Variants in B4GALT2 observed in about 807,000 individuals in gnomAD.
B4GALT2 encodes the protein beta-1,4-galactosyltransferase 2, also known as N-acetyllactosamine synthase.
B4GALT2 carries 18 observed loss-of-function variants against 33.2 expected under a neutral mutation model. That is an observed-to-expected ratio of 0.54 (90% CI 0.38 to 0.80). The LOEUF is 0.80. Among genes scored for constraint, B4GALT2 ranks in the 30% least tolerant of loss-of-function variants. B4GALT2 has a pLI of 0.00. For synonymous variants in B4GALT2, 214 were observed against 217.6 expected (o/e 0.98, Z 0.15); for missense variants, 404 against 526.2 (o/e 0.77, Z 2.27).
chr1:43,989,101 C>G (rs1436767883), intron 6 of B4GALT2, among the ~76,000 whole-genome samples: 4 of 152,136 alleles, frequency 2.6e-5, no homozygotes, highest in Non-Finnish European at 5.9e-5. Context: ...AATCCCAGCA[C>G]TTTGGGTAGT....
In B4GALT2 at chr1:43,981,136, G is replaced by C. The variant is rs368225760; in HGVS notation, c.-25G>C. On this transcript the variant is annotated 5_prime_UTR_variant, in exon 2 of 7. Transcript: ENST00000372324. The surrounding 1 kb of genome is among the most constrained non-coding windows in gnomAD (Gnocchi z 8.1). ...CAGCAGCCGGATGCCCGGGCCCACT[G>C]GGCGGGCCAGTGGCCGCCTGCGGGA... 1 of 1,595,918 alleles carries C rather than the reference G, an allele frequency of 6.3e-7. No individual in the cohort carries two copies. Among genetic ancestry groups the C allele is most frequent in the Non-Finnish European group, 8.5e-7 (1 of 1,178,210 alleles).
chr1:43,990,120 G>A (rs1246940550), intron 6 of B4GALT2, among the ~76,000 whole-genome samples, 178 bp from the exon 7 acceptor site: 1 of 152,176 alleles, frequency 6.6e-6, no homozygotes, highest in African/African-American at 2.4e-5. Context: ...GCAAAAGGGC[G>A]TGGGCATAAC....
chr1:43,990,453 A>G lies in B4GALT2; in HGVS notation c.*5A>G. On this transcript the variant is annotated 3_prime_UTR_variant, in exon 7 of 7. Coordinates refer to ENST00000372324, the MANE Select transcript of B4GALT2 (RefSeq NM_003780.5). Reference sequence around the variant, plus strand: ...TCGTGGCCCCCTCGGGGCTGACACTAATGGACAGAGGCTCTCGGTGCCGAA... The same window carrying G: ...TCGTGGCCCCCTCGGGGCTGACACTGATGGACAGAGGCTCTCGGTGCCGAA... 6.2e-7 allele frequency: 1 copy of G among 1,613,990 alleles called. No homozygotes were observed. The highest frequency in any genetic ancestry group is 8.5e-7 in the Non-Finnish European group (1 of 1,179,964).
chr1:43,990,669 A>T lies in B4GALT2; in HGVS notation c.*221A>T. Reference sequence around the variant, plus strand: ...TCAAGTGTGGCCCTCTTTGGAGTCAACCCTCCTTCCCGACCCCCTCCCCCT... The same window carrying T: ...TCAAGTGTGGCCCTCTTTGGAGTCATCCCTCCTTCCCGACCCCCTCCCCCT... On this transcript the variant is annotated 3_prime_UTR_variant, in exon 7 of 7. Transcript: ENST00000372324. The T allele has an allele frequency of 1.7e-6, 1 of 604,592 alleles. No homozygotes were observed. The highest frequency in any genetic ancestry group is 2.8e-6 in the Non-Finnish European group (1 of 354,962). 37.5% of individuals were successfully genotyped at this position (604,592 alleles called of 1,614,324 possible).
At position 43,981,414 on chromosome 1, in the gene B4GALT2, C is replaced by T. The variant is rs987553231; in HGVS notation, c.254C>T (p.Ala85Val). Reference protein sequence around the residue: ...SSSGLPEVPSALPGPTAPTLP... With the variant: ...SSSGLPEVPSVLPGPTAPTLP... Reference sequence around the variant, plus strand: ...TCCGGGCTCCCTGAGGTCCCCAGTGCCCTGCCCGGTCCCACGGCTCCCACG... The same window carrying T: ...TCCGGGCTCCCTGAGGTCCCCAGTGTCCTGCCCGGTCCCACGGCTCCCACG... Residue 85 changes from alanine to valine, a missense_variant, in exon 2 of 7, where the codon GCC (alanine) becomes GTC (valine). Ala to Val is a moderately conservative substitution (Grantham distance 64, BLOSUM62 0). Transcript: ENST00000372324. This position sits in a 1 kb window ranked among gnomAD's most constrained non-coding sequence, Gnocchi z 8.1. 4.4e-6 allele frequency: 7 copies of T among 1,596,552 alleles called. No individual in the cohort carries two copies. Among genetic ancestry groups the T allele is most frequent in the Non-Finnish European group, 3.4e-6 (4 of 1,178,250 alleles).
rs542373895 is a variant in B4GALT2, at chr1:43,985,505, C to T, written c.864-12C>T. The T allele has an allele frequency of 2.5e-6, 4 of 1,612,856 alleles. No homozygotes were observed. Among genetic ancestry groups the T allele is most frequent in the Non-Finnish European group, 3.4e-6 (4 of 1,179,428 alleles). ...CTGGAGCCTGTTCCAGTCTGTCCGT[C>T]CCCATCCTCAGGATCTCCCTGACTG... On this transcript the variant is annotated splice_polypyrimidine_tract_variant and intron_variant, in intron 5 of 6. Transcript: ENST00000372324.
Position 43,982,390 on chromosome 1 carries a change from G to A in B4GALT2, c.549+466G>A, listed in dbSNP as rs886372361. On this transcript the variant is annotated intron_variant, in intron 3 of 6. Transcript: ENST00000372324. The surrounding 1 kb of genome is among the most constrained non-coding windows in gnomAD (Gnocchi z 4.3). ...AGGGACCTCTGATGCAGGCCCCCCC[G>A]CCCCCGCCGACCACAGAGACCTCCT... 2.7e-5 allele frequency among the ~76,000 whole-genome samples: 4 copies of A among 150,630 alleles called. No homozygotes were observed. Among genetic ancestry groups the A allele is most frequent in the African/African-American group, 7.3e-5 (3 of 40,920 alleles).
chr1:43,979,243 C>A lies in B4GALT2; in HGVS notation c.-321C>A. 6.8e-6 allele frequency: 1 copy of A among 146,234 alleles called. No homozygotes were observed. Among genetic ancestry groups the A allele is most frequent in the South Asian group, 1.9e-4 (1 of 5,300 alleles). 9.1% of individuals were successfully genotyped at this position (146,234 alleles called of 1,614,324 possible). On this transcript the variant is annotated 5_prime_UTR_variant, in exon 1 of 7. Coordinates refer to ENST00000372324, the MANE Select transcript of B4GALT2 (RefSeq NM_003780.5). This position sits in a 1 kb window ranked among gnomAD's most constrained non-coding sequence, Gnocchi z 4.8. ...GAGGCGCCGTAGCGCGGGAGGGAGGCGGCGGCGCTGTGGTCCGTGGGTCCG... is the reference window on the plus strand; with the variant it reads ...GAGGCGCCGTAGCGCGGGAGGGAGGAGGCGGCGCTGTGGTCCGTGGGTCCG...
In B4GALT2 at chr1:43,985,498, T is replaced by C. The variant is rs1571806651; in HGVS notation, c.864-19T>C. On this transcript the variant is annotated intron_variant, in intron 5 of 6. Coordinates refer to ENST00000372324, the MANE Select transcript of B4GALT2 (RefSeq NM_003780.5). ...GCCCTTCCTGGAGCCTGTTCCAGTCTGTCCGTCCCCATCCTCAGGATCTCC... is the reference window on the plus strand; with the variant it reads ...GCCCTTCCTGGAGCCTGTTCCAGTCCGTCCGTCCCCATCCTCAGGATCTCC... The C allele has an allele frequency of 1.2e-6, 2 of 1,610,288 alleles. No individual in the cohort carries two copies. The highest frequency in any genetic ancestry group is 4.5e-5 in the East Asian group (2 of 44,766).
intron 6 of B4GALT2, among the ~76,000 whole-genome samples, chr1:43,989,244 G>C (rs924931743): frequency 5.3e-5 from 8 of 150,092 alleles, no homozygotes; most frequent in Admixed American, 2.0e-4. Context: ...TACTCAGAAG[G>C]CTGAGGCAGG....
chr1:43,981,727 C>A lies in B4GALT2; in HGVS notation c.352C>A (p.Leu118Met). The A allele has an allele frequency of 1.2e-6, 2 of 1,613,226 alleles. No homozygotes were observed. Among genetic ancestry groups the A allele is most frequent in the Non-Finnish European group, 1.7e-6 (2 of 1,179,936 alleles). The change falls in exon 3 of 7, where the codon CTG becomes ATG. Residue 118 changes from leucine (L) to methionine (M), a missense_variant. Physicochemically the swap from Leu to Met is conservative, Grantham distance 15. Transcript: ENST00000372324. The surrounding 1 kb of genome is among the most constrained non-coding windows in gnomAD (Gnocchi z 8.1). ...GATCGAGTTCACCTCACCCATGCCC[C>A]TGGAGCGGGTGCAGAGGGAGAACCC... ...LLIEFTSPMP[L>M]ERVQRENPGV...
intron 6 of B4GALT2, 87 bp from the exon 7 acceptor site, chr1:43,990,211 G>C: frequency 1.9e-6 from 3 of 1,538,742 alleles, no homozygotes; most frequent in Non-Finnish European, 2.7e-6. Flanking sequence ...GCCAAAAGGG[G>C]GTCCATTTAG....
chr1:43,985,105 G>A lies in B4GALT2; in HGVS notation c.740+50G>A, dbSNP rs374984928. The A allele has an allele frequency of 2.3e-5, 37 of 1,598,672 alleles. No individual in the cohort carries two copies. The African/African-American group carries it at 3.2e-4, about 14-fold the overall frequency. On this transcript the variant is annotated intron_variant, in intron 4 of 6. Transcript: ENST00000372324. ...CCCAGCCCTCCTGCCCCCACCAGACGCAGGCCCACTTCCAGCCCCCGAGCC... is the reference window on the plus strand; with the variant it reads ...CCCAGCCCTCCTGCCCCCACCAGACACAGGCCCACTTCCAGCCCCCGAGCC...
At chr1:43,980,536 A>C in intron 1 of B4GALT2, 1 of 994,320 alleles carries the variant, frequency 1.0e-6, no homozygotes, top group Non-Finnish European at 1.2e-6. Context: ...TGTCGCTGGG[A>C]TCTGAATGAC....
rs149892509 is a variant in B4GALT2, at chr1:43,981,335, A to G, written c.175A>G (p.Ser59Gly). ...TGCCCATGCCCTCCACCCAGCTGCT[A>G]GCAGCAGCAGCAGCAGCAGCAACTG... ...GPAHALHPAA[S>G]SSSSSSNCSR... is the part of the protein sequence containing the mutation. Residue 59 changes from serine (S) to glycine (G), a missense_variant, in exon 2 of 7, where the codon AGC (serine) becomes GGC (glycine). Coordinates refer to ENST00000372324, the MANE Select transcript of B4GALT2 (RefSeq NM_003780.5). The surrounding 1 kb of genome is among the most constrained non-coding windows in gnomAD (Gnocchi z 8.1). 6.3e-7 allele frequency: 1 copy of G among 1,596,998 alleles called. No individual in the cohort carries two copies. Among genetic ancestry groups the G allele is most frequent in the Non-Finnish European group, 8.5e-7 (1 of 1,177,774 alleles).
intron 6 of B4GALT2, among the ~76,000 whole-genome samples, chr1:43,989,320 C>CAAAAA (rs34161254): frequency 0.045 from 5,269 of 117,748 alleles, 253 homozygotes; most frequent in East Asian, 0.12. Flanking sequence ...TACTCTGTCT[C>CAAAAA]AAAAAAAAAA....
Position 43,984,769 on chromosome 1 carries a change from G to A in B4GALT2, c.550-96G>A, listed in dbSNP as rs1405317146. ...CCTGGAGGAGCCATGCAGCGAGGGG[G>A]CTGGTAGATCCCCAGAGACTGCTCT... On this transcript the variant is annotated intron_variant, in intron 3 of 6. Coordinates refer to ENST00000372324, the MANE Select transcript of B4GALT2 (RefSeq NM_003780.5). The surrounding 1 kb of genome is among the most constrained non-coding windows in gnomAD (Gnocchi z 5.6). 3.9e-6 allele frequency: 5 copies of A among 1,294,690 alleles called. No homozygotes were observed. The highest frequency in any genetic ancestry group is 5.4e-6 in the Non-Finnish European group (5 of 934,344). 80.2% of individuals were successfully genotyped at this position (1,294,690 alleles called of 1,614,324 possible).
chr1:43,980,336 G>A (rs1292500478), intron 1 of B4GALT2: 5 of 349,738 alleles, frequency 1.4e-5, no homozygotes, highest in Non-Finnish European at 2.5e-5. Context: ...TGCTGGGCAG[G>A]ACCCAGAGTC....
rs1373414466 is a variant in B4GALT2 at position 43,985,418 on chromosome 1, G to A, written c.863+18G>A. 4 of 1,429,572 alleles carry A rather than the reference G, an allele frequency of 2.8e-6. No individual in the cohort carries two copies. Among genetic ancestry groups the A allele is most frequent in the Admixed American group, 1.9e-5 (1 of 53,664 alleles). 88.6% of individuals were successfully genotyped at this position (1,429,572 alleles called of 1,614,324 possible). A position where few individuals can be genotyped will look rare whatever the true frequency, so the allele number is the denominator to read the frequency against. ...TTCAACCGGTGAGTAAGCACGCGGT[G>A]GGGAATAGGCTGGGTGGGGGGGGGA... On this transcript the variant is annotated intron_variant, in intron 5 of 6. Transcript: ENST00000372324.
Sources: gnomAD v4.1 joint callset for allele counts (sites outside exome capture counted in the v4.1 genomes callset) on GRCh38, gnomAD v4.1.1 for gene constraint, Gnocchi (gnomAD v3.1) non-coding constraint, MANE v1.5 for transcripts, NCBI Gene and HGNC (gene_info 2026-07-23, HGNC 2026-07-21) for gene names.